The following CEP162 variants were observed in gnomAD, a reference collection of about 807,000 sequenced individuals.
The protein encoded by CEP162 is centrosomal protein 162.
CEP162 carries 141 observed loss-of-function variants against 169.2 expected under a neutral mutation model. The observed-to-expected ratio is 0.83, with a 90% CI of 0.73 to 0.96. CEP162 has a LOEUF of 0.96. Among genes scored for constraint, CEP162 ranks in the 40% least tolerant of loss-of-function variants. The pLI is 0.00. For synonymous variants in CEP162, 540 were observed against 526.4 expected (o/e 1.03, Z -0.35); for missense variants, 1,600 against 1,587.2 (o/e 1.01, Z -0.14).
At chr6:84,221,208 G>T in intron 2 of CEP162, 37 bp from the exon 3 acceptor site, 1 of 1,012,768 alleles carries the variant, frequency 9.9e-7, no homozygotes, top group South Asian at 1.3e-5. Flanking sequence ...TGAAAATACA[G>T]TGTAAATTCA....
In CEP162 at chr6:84,177,888, C is replaced by T. The variant is rs1043002729; in HGVS notation, c.1664-2541G>A. ...CTTTTTAAAAGTATGAAAACTGTGA[C>T]TTGGACAAGTTGAGTGAATAGCCCA... is the stretch of plus-strand genomic sequence containing the variant. On this transcript the variant is annotated intron_variant, in intron 13 of 26. Coordinates refer to ENST00000403245, the MANE Select transcript of CEP162 (RefSeq NM_014895.4). Among the ~76,000 whole-genome samples the T allele has an allele frequency of 1.3e-4, 20 of 152,140 alleles. No individual in the cohort carries two copies. In the East Asian group the frequency reaches 3.7e-3, roughly 28 times the overall value.
In CEP162 at chr6:84,167,418, A is replaced by AT. The variant is rs200910709; in HGVS notation, c.2385+1909dup. Among the ~76,000 whole-genome samples, 1,347 of 152,152 alleles carry AT rather than the reference A, an allele frequency of 8.9e-3. 20 individuals carry two copies. Among genetic ancestry groups the AT allele is most frequent in the African/African-American group, 0.031 (1,283 of 41,500 alleles). Reference sequence around the variant, plus strand: ...GCATACTTTCTCATTTATTTTGTATATTTAAGCACTTTAAGTCTATTTATT... The same window carrying AT: ...GCATACTTTCTCATTTATTTTGTATATTTTAAGCACTTTAAGTCTATTTATT... On this transcript the variant is annotated intron_variant, in intron 18 of 26. Coordinates refer to ENST00000403245, the MANE Select transcript of CEP162 (RefSeq NM_014895.4).
intron 25 of CEP162, among the ~76,000 whole-genome samples, chr6:84,129,560 T>A (rs1249538710): frequency 1.3e-5 from 2 of 152,168 alleles, no homozygotes; most frequent in East Asian, 3.9e-4. Context: ...TTTGTTTAAG[T>A]TCTTTATAGA....
chr6:84,154,330 ATCTGTCTGTCTGTCTG>A (rs561247395), intron 22 of CEP162, among the ~76,000 whole-genome samples: 48 of 149,454 alleles, frequency 3.2e-4, no homozygotes, highest in African/African-American at 1.2e-3. Context: ...CTATCTATCT[ATCTGTCTGTCTGTCTG>A]TCTGTCTGTC....
chr6:84,168,098 C>T (rs2099528555), intron 18 of CEP162, among the ~76,000 whole-genome samples: 1 of 151,986 alleles, frequency 6.6e-6, no homozygotes, highest in Non-Finnish European at 1.5e-5. Flanking sequence ...AATTTTCTGC[C>T]ATTAAAATAT....
chr6:84,212,620 CAAG>C (rs1392683406), intron 6 of CEP162, among the ~76,000 whole-genome samples: 4 of 151,674 alleles, frequency 2.6e-5, no homozygotes, highest in East Asian at 1.9e-4. Flanking sequence ...GCAACAAAAA[CAAG>C]AAGATGAAAA....
chr6:84,193,507 G>A (rs9444146), intron 11 of CEP162, 102 bp downstream of exon 11: 1 of 610,418 alleles, frequency 1.6e-6, no homozygotes, highest in Admixed American at 3.2e-5. Flanking sequence ...CACAGGTAGA[G>A]TCAAGCTAGT....
At chr6:84,131,274 A>T (rs1024326345) in intron 25 of CEP162, among the ~76,000 whole-genome samples, 1 of 152,140 alleles carries the variant, frequency 6.6e-6, no homozygotes, top group African/African-American at 2.4e-5. Context: ...TTTACTTCCA[A>T]TTATGTGGTC....
At position 84,185,234 on chromosome 6, in the gene CEP162, C is replaced by T. The variant is rs1404830530; in HGVS notation, c.1616G>A (p.Ser539Asn). The T allele has an allele frequency of 6.2e-7, 1 of 1,613,054 alleles. No individual in the cohort carries two copies. Among genetic ancestry groups the T allele is most frequent in the Non-Finnish European group, 8.5e-7 (1 of 1,179,432 alleles). Residue 539 changes from serine to asparagine, a missense_variant, in exon 13 of 27, where the codon AGC becomes AAC. Coordinates refer to ENST00000403245, the MANE Select transcript of CEP162 (RefSeq NM_014895.4). ...GGTAGAAATCGATCTCAAGTTTTTG[C>T]TTTTTATAATGTCCTCTGAAGTTTT... ...EKKTSEDIIK[S>N]KNLRSISTSN...
At chr6:84,191,261 T>C (rs1588841916) in intron 11 of CEP162, among the ~76,000 whole-genome samples, 1 of 151,998 alleles carries the variant, frequency 6.6e-6, no homozygotes, top group South Asian at 2.1e-4. Context: ...AAGATGGGCA[T>C]ACCCCTCAAC....
intron 7 of CEP162, among the ~76,000 whole-genome samples, chr6:84,203,027 T>G (rs2127734978): frequency 6.6e-6 from 1 of 152,310 alleles, no homozygotes; most frequent in African/African-American, 2.4e-5. Flanking sequence ...CCAAAGAGAC[T>G]GTGCCCAGAT....
At chr6:84,163,030 A>G (rs2099526404) in intron 19 of CEP162, 114 bp downstream of exon 19, 2 of 996,798 alleles carry the variant, frequency 2.0e-6, no homozygotes, top group African/African-American at 3.2e-5. Context: ...TTCTAAAATT[A>G]CAATATACTT....
Position 84,128,742 on chromosome 6 carries a change from T to C in CEP162, c.3871-2230A>G, listed in dbSNP as rs768990572. On this transcript the variant is annotated intron_variant, in intron 25 of 26. Coordinates refer to ENST00000403245, the MANE Select transcript of CEP162 (RefSeq NM_014895.4). The stretch of plus-strand genomic sequence containing the variant: ...TGTTCTGGGGTACATGTGCAGAACG[T>C]GCAGGTTTGTTACATAGGTATACAC... Among the ~76,000 whole-genome samples the C allele has an allele frequency of 7.2e-5, 11 of 152,272 alleles. 1 individual carries two copies. Among genetic ancestry groups the C allele is most frequent in the Non-Finnish European group, 4.4e-5 (3 of 68,012 alleles).
intron 5 of CEP162, among the ~76,000 whole-genome samples, chr6:84,213,852 A>G (rs1181911834): frequency 1.3e-5 from 2 of 152,242 alleles, no homozygotes; most frequent in African/African-American, 4.8e-5. Flanking sequence ...GGCAATGACC[A>G]TAGGCCCTGA....
intron 16 of CEP162, among the ~76,000 whole-genome samples, chr6:84,173,439 T>C (rs1159325329): frequency 6.6e-6 from 1 of 152,154 alleles, no homozygotes; most frequent in Non-Finnish European, 1.5e-5. Context: ...CAGTGGAAGT[T>C]AGGGATCCTA....
At chr6:84,164,218 C>T (rs574891678) in intron 18 of CEP162, among the ~76,000 whole-genome samples, 54 of 152,126 alleles carry the variant, frequency 3.5e-4, no homozygotes, top group East Asian at 2.9e-3. Context: ...GGCAAGGATG[C>T]GGAGAAACAG....
At chr6:84,208,527 G>A (rs897694365) in intron 6 of CEP162, among the ~76,000 whole-genome samples, 1 of 152,328 alleles carries the variant, frequency 6.6e-6, no homozygotes, top group South Asian at 2.1e-4. Context: ...ACGACAACTT[G>A]TGTGTAATTA....
At chr6:84,179,002 A>G (rs916507946) in intron 13 of CEP162, among the ~76,000 whole-genome samples, 11 of 152,180 alleles carry the variant, frequency 7.2e-5, no homozygotes, top group Middle Eastern at 3.4e-3. Context: ...ATCCTTTTTT[A>G]TGGCTGCATA....
At chr6:84,195,989 C>T (rs1223490046) in intron 9 of CEP162, among the ~76,000 whole-genome samples, 1 of 152,170 alleles carries the variant, frequency 6.6e-6, no homozygotes, top group African/African-American at 2.4e-5. Flanking sequence ...CCTACTAAAA[C>T]TTGTTCTACT....
Sources: allele counts gnomAD v4.1 joint callset (sites outside exome capture counted in the v4.1 genomes callset), GRCh38; gene constraint gnomAD v4.1.1; transcripts MANE v1.5; gene names NCBI Gene and HGNC (gene_info 2026-07-23, HGNC 2026-07-21).